Variants in CDCA5 observed in about 807,000 individuals in gnomAD.
CDCA5 encodes the protein sororin.
Under a neutral mutation model 25.7 loss-of-function variants are expected in CDCA5, and 14 were observed. The ratio of observed to expected loss-of-function variants is 0.54; its 90% confidence interval spans 0.36 to 0.85. The LOEUF (loss-of-function observed/expected upper bound fraction) is 0.85, where lower values mean the gene tolerates loss of function less well. CDCA5 is among the 40% of genes least tolerant of loss of function. The pLI, the probability that CDCA5 is intolerant of heterozygous loss-of-function variation, is 0.01. For synonymous variants in CDCA5, 127 were observed against 128.7 expected (o/e 0.99, Z 0.09); for missense variants, 307 against 324.5 (o/e 0.95, Z 0.41).
At position 65,078,477 on chromosome 11, in the gene CDCA5, C is replaced by T. The variant is rs550124833; in HGVS notation, c.*630G>A. ...CTTCTGTGTAGTACACACTTATGGT[C>T]TGAGACCCAACTAAGGCTCCCTACA... On this transcript the variant is annotated 3_prime_UTR_variant, in exon 6 of 6. Transcript: ENST00000275517. The T allele has an allele frequency of 8.1e-6, 8 of 985,484 alleles. No individual in the cohort carries two copies. Among genetic ancestry groups the T allele is most frequent in the Non-Finnish European group, 9.6e-6 (8 of 829,990 alleles). 61.0% of individuals were successfully genotyped at this position (985,484 alleles called of 1,614,324 possible).
chr11:65,063,796 G>C (rs1049811114), downstream of CDCA5, among the ~76,000 whole-genome samples: 1 of 152,212 alleles, frequency 6.6e-6, no homozygotes, highest in Non-Finnish European at 1.5e-5. Flanking sequence ...CTTTGACTGG[G>C]AGAAATGTGT....
chr11:65,065,597 G>A (rs115728983), downstream of CDCA5, among the ~76,000 whole-genome samples: 1,132 of 152,240 alleles, frequency 7.4e-3, 13 homozygotes, highest in African/African-American at 0.025. Flanking sequence ...CCGGGTTATG[G>A]GATTTTAAAA....
chr11:65,081,001 C>G lies in CDCA5; in HGVS notation c.244-1214G>C, dbSNP rs111479117. The stretch of plus-strand genomic sequence containing the variant: ...AGGAGGTGTGGGAGTGACTCATGGC[C>G]AAGTTCTAGGCAGTGGGAACAGAAG... On this transcript the variant is annotated intron_variant, in intron 4 of 5. Coordinates refer to ENST00000275517, the MANE Select transcript of CDCA5 (RefSeq NM_080668.4). Among the ~76,000 whole-genome samples, 894 of 152,238 alleles carry G rather than the reference C, an allele frequency of 5.9e-3. 5 individuals carry two copies. Among genetic ancestry groups the G allele is most frequent in the Non-Finnish European group, 8.1e-3 (552 of 68,022 alleles).
In CDCA5 at chr11:65,077,569, T is replaced by C; in HGVS notation, c.*1538A>G. ...AACTTTGCAATGATGATCTCAACTC[T>C]GCATCATCTGGTGACTCCTGATTCT... On this transcript the variant is annotated 3_prime_UTR_variant, in exon 6 of 6. Coordinates refer to ENST00000275517, the MANE Select transcript of CDCA5 (RefSeq NM_080668.4). 4.1e-6 allele frequency: 4 copies of C among 985,442 alleles called. No homozygotes were observed. The highest frequency in any genetic ancestry group is 4.8e-6 in the Non-Finnish European group (4 of 829,896). The allele number at this position is 985,442 out of a possible 1,614,324, so 61.0% of individuals were successfully genotyped here.
At chr11:65,082,493 C>A (rs999118088) in intron 4 of CDCA5, among the ~76,000 whole-genome samples, 1 of 137,032 alleles carries the variant, frequency 7.3e-6, no homozygotes, top group Non-Finnish European at 1.5e-5. Context: ...GATGGAGTCT[C>A]GCTTTGTCAC....
chr11:65,061,345 T>G, downstream of CDCA5, among the ~76,000 whole-genome samples: 1 of 152,168 alleles, frequency 6.6e-6, no homozygotes, highest in East Asian at 1.9e-4. Context: ...CCTGCTGGAA[T>G]CTTGACTGCA....
At chr11:65,065,315 T>C (rs1011911275), downstream of CDCA5, among the ~76,000 whole-genome samples, 3 of 152,172 alleles carry the variant, frequency 2.0e-5, no homozygotes, top group Non-Finnish European at 2.9e-5. Context: ...TGAGATAGTG[T>C]CTTGCTCTGT....
downstream of CDCA5, among the ~76,000 whole-genome samples, chr11:65,074,923 G>A (rs544811149): frequency 4.0e-5 from 6 of 151,794 alleles, no homozygotes; most frequent in East Asian, 7.8e-4. Context: ...TTAGCTGGGC[G>A]TGGTGGCACA....
downstream of CDCA5, among the ~76,000 whole-genome samples, chr11:65,073,481 T>A (rs1947380348): frequency 6.6e-6 from 1 of 152,142 alleles, no homozygotes; most frequent in Non-Finnish European, 1.5e-5. Context: ...TGAGCCAGAC[T>A]TAATGACGCG....
chr11:65,070,856 T>C (rs939041301), intron 1 of CDCA5, among the ~76,000 whole-genome samples: 2 of 152,182 alleles, frequency 1.3e-5, no homozygotes, highest in African/African-American at 4.8e-5. Context: ...GATTTTGGAA[T>C]ATTAGCATTA....
At position 65,079,874 on chromosome 11, in the gene CDCA5, G is replaced by C. The variant is rs548265154; in HGVS notation, c.244-87C>G. 8 of 991,736 alleles carry C rather than the reference G, an allele frequency of 8.1e-6. No homozygotes were observed. The South Asian group carries it at 1.6e-4, about 19-fold the overall frequency. 61.4% of individuals were successfully genotyped at this position (991,736 alleles called of 1,614,324 possible). A position where few individuals can be genotyped will look rare whatever the true frequency, so the allele number is the denominator to read the frequency against. On this transcript the variant is annotated intron_variant, in intron 4 of 5. Transcript: ENST00000275517. ...AGCCCGAGAAGATTCAGGGTGGAAA[G>C]ACCCACAGGACACACACTTTTTTTT...
Position 65,083,490 on chromosome 11 carries a change from C to T in CDCA5, c.202G>A (p.Val68Ile), listed in dbSNP as rs141510349. 55 of 1,614,102 alleles carry T rather than the reference C, an allele frequency of 3.4e-5. No homozygotes were observed. Among genetic ancestry groups the T allele is most frequent in the Non-Finnish European group, 4.6e-5 (54 of 1,180,050 alleles). The change falls in exon 3 of 6, where the codon GTA becomes ATA. Residue 68 changes from valine (V) to isoleucine (I), a missense_variant. By Grantham distance (29) the Val-to-Ile change is conservative. Transcript: ENST00000275517. ...ACACTCTCCTTAGCCTTTACCTCTA[C>T]AGCATGGGCCACGATCCTCTTTAAG... is the stretch of plus-strand genomic sequence containing the variant. ...IVLKRIVAHA[V>I]EVPAVQSPRR...
At chr11:65,081,783 T>C (rs1195114646) in intron 4 of CDCA5, among the ~76,000 whole-genome samples, 3 of 151,974 alleles carry the variant, frequency 2.0e-5, no homozygotes, top group Non-Finnish European at 4.4e-5. Context: ...CTGGGCAACA[T>C]AGTGAACCCT....
intron 1 of CDCA5, among the ~76,000 whole-genome samples, chr11:65,072,104 C>T (rs928963365): frequency 3.9e-5 from 6 of 152,370 alleles, no homozygotes; most frequent in Admixed American, 2.6e-4. Context: ...AGGAACTCTG[C>T]TGGCTGCTTT....
At chr11:65,080,036 G>A (rs1311050909) in intron 4 of CDCA5, among the ~76,000 whole-genome samples, 6 of 151,720 alleles carry the variant, frequency 4.0e-5, no homozygotes, top group East Asian at 2.0e-4. Context: ...GACTACAGGC[G>A]CCCGCCACCT....
At chr11:65,072,066 G>A (rs1320720405) in intron 1 of CDCA5, among the ~76,000 whole-genome samples, 1 of 152,204 alleles carries the variant, frequency 6.6e-6, no homozygotes, top group Admixed American at 6.5e-5. Context: ...TCACAGGCTG[G>A]GTAAAATGCT....
intron 1 of CDCA5, among the ~76,000 whole-genome samples, chr11:65,071,535 G>A (rs942598777): frequency 5.3e-5 from 8 of 151,716 alleles, no homozygotes; most frequent in African/African-American, 1.2e-4. Flanking sequence ...GGCTGGTCTC[G>A]AACCCCTAAC....
downstream of CDCA5, chr11:65,066,244 G>T: frequency 1.2e-6 from 1 of 837,452 alleles, no homozygotes; most frequent in Non-Finnish European, 1.6e-6. Flanking sequence ...TGGACGTGGT[G>T]ACCTCCTGCT....
intron 1 of CDCA5, among the ~76,000 whole-genome samples, chr11:65,072,182 A>G (rs914530801): frequency 6.6e-6 from 1 of 152,240 alleles, no homozygotes; most frequent in Non-Finnish European, 1.5e-5. Flanking sequence ...TTCAGAAGAG[A>G]AAACCATGGC....
Sources: allele counts gnomAD v4.1 joint callset (sites outside exome capture counted in the v4.1 genomes callset), GRCh38; gene constraint gnomAD v4.1.1; transcripts MANE v1.5; gene names NCBI Gene and HGNC (gene_info 2026-07-23, HGNC 2026-07-21).